Variants in WDR7 observed in about 807,000 individuals in gnomAD.
WDR7 encodes the protein WD repeat domain 7, also known as WD repeat-containing protein 7.
In WDR7, 46 loss-of-function variants were observed where a neutral mutation model predicts 169.4. That is an observed-to-expected ratio of 0.27 (90% CI 0.21 to 0.35). The LOEUF (loss-of-function observed/expected upper bound fraction) is 0.35, where lower values mean the gene tolerates loss of function less well. Ranked by LOEUF, WDR7 falls within the 10% of genes least tolerant of loss-of-function variation. The pLI is 1.00. For synonymous variants in WDR7, 612 were observed against 666.8 expected (o/e 0.92, Z 1.27); for missense variants, 1,534 against 1,859.3 (o/e 0.83, Z 3.22).
chr18:57,021,846 C>G (rs1417455618), intron 27 of WDR7, among the ~76,000 whole-genome samples: 1 of 152,100 alleles, frequency 6.6e-6, no homozygotes, highest in Non-Finnish European at 1.5e-5. Context: ...AAAGTTTAAA[C>G]AAGGCTTCAG....
At chr18:56,781,856 G>T (rs142953498) in intron 19 of WDR7, 200 bp downstream of exon 19, 2 of 470,408 alleles carry the variant, frequency 4.3e-6, no homozygotes, top group East Asian at 8.0e-5. Flanking sequence ...AAAGGCAAAG[G>T]CTGTCTATAT....
intron 1 of WDR7, among the ~76,000 whole-genome samples, chr18:56,660,350 C>T (rs1172917149): frequency 6.6e-6 from 1 of 152,010 alleles, no homozygotes; most frequent in Non-Finnish European, 1.5e-5. Context: ...ATCTGCAATC[C>T]AAAATGCTCC....
At position 56,759,031 on chromosome 18, in the gene WDR7, A is replaced by G. The variant is rs941713603; in HGVS notation, c.2848+78A>G. On this transcript the variant is annotated intron_variant, in intron 16 of 27. Coordinates refer to ENST00000254442, the MANE Select transcript of WDR7 (RefSeq NM_015285.3). ...GAGGAGGCATAGCTAATGTATAATC[A>G]TAATATTTGTTTGTCTTGGATTGTT... 1.8e-5 allele frequency: 21 copies of G among 1,184,014 alleles called. No individual in the cohort carries two copies. In the African/African-American group the frequency reaches 2.2e-4, roughly 12 times the overall value. The allele number at this position is 1,184,014 out of a possible 1,614,324, so 73.3% of individuals were successfully genotyped here.
chr18:56,997,474 C>T (rs2047914506), intron 26 of WDR7, among the ~76,000 whole-genome samples: 1 of 152,018 alleles, frequency 6.6e-6, no homozygotes, highest in Non-Finnish European at 1.5e-5. Context: ...TGGGTTGTTG[C>T]CTGACAAAGT....
At chr18:56,895,017 T>C (rs2046311326) in intron 21 of WDR7, among the ~76,000 whole-genome samples, 1 of 152,090 alleles carries the variant, frequency 6.6e-6, no homozygotes, top group African/African-American at 2.4e-5. Flanking sequence ...TAACTTTCAT[T>C]AGCATGATAC....
chr18:56,654,285 C>G (rs1477523784), intron 1 of WDR7, among the ~76,000 whole-genome samples: 1 of 152,116 alleles, frequency 6.6e-6, no homozygotes, highest in South Asian at 2.1e-4. Context: ...GCACGCGCCA[C>G]TACGCCCAGC....
chr18:56,775,743 A>G (rs983404554), intron 16 of WDR7, among the ~76,000 whole-genome samples: 1 of 152,128 alleles, frequency 6.6e-6, no homozygotes, highest in African/African-American at 2.4e-5. Flanking sequence ...CCTGATTGAC[A>G]TTATGATGCA....
intron 26 of WDR7, among the ~76,000 whole-genome samples, chr18:57,008,735 T>C (rs1260128584): frequency 6.6e-6 from 1 of 152,194 alleles, no homozygotes; most frequent in African/African-American, 2.4e-5. Flanking sequence ...TCAGCACATC[T>C]CTATTACGCT....
intron 20 of WDR7, among the ~76,000 whole-genome samples, chr18:56,864,296 T>A (rs374641803): frequency 6.6e-6 from 1 of 151,558 alleles, no homozygotes; most frequent in East Asian, 1.9e-4. Flanking sequence ...TCAAATATCA[T>A]CTGGTTAAAT....
intron 14 of WDR7, among the ~76,000 whole-genome samples, chr18:56,751,113 A>T (rs1001679750): frequency 6.6e-6 from 1 of 151,920 alleles, no homozygotes; most frequent in Non-Finnish European, 1.5e-5. Flanking sequence ...TTTTTGCTAC[A>T]ATGACACAAT....
rs182508072 is a variant in WDR7 at position 56,684,985 on chromosome 18, A to T, written c.521-971A>T. 3.3e-5 allele frequency among the ~76,000 whole-genome samples: 5 copies of T among 152,298 alleles called. No individual in the cohort carries two copies. In the East Asian group the frequency reaches 7.7e-4, roughly 23 times the overall value. ...AATCTTTTATTTAAAACAGATCTGT[A>T]TTTGTGACCAAGCGGTTTGCCTATT... On this transcript the variant is annotated intron_variant, in intron 5 of 27. Coordinates refer to ENST00000254442, the MANE Select transcript of WDR7 (RefSeq NM_015285.3).
At chr18:56,828,453 G>A (rs1319889729) in intron 20 of WDR7, among the ~76,000 whole-genome samples, 3 of 152,088 alleles carry the variant, frequency 2.0e-5, no homozygotes, top group East Asian at 1.9e-4. Flanking sequence ...CAAGCTTTCC[G>A]AATGTTCTGA....
intron 16 of WDR7, among the ~76,000 whole-genome samples, chr18:56,771,950 C>T (rs151264509): frequency 5.6e-4 from 84 of 149,948 alleles, no homozygotes; most frequent in Admixed American, 1.1e-3. Context: ...GTCCCAGCTA[C>T]TCAGGTTGCT....
At chr18:56,864,709 A>T (rs2045857018) in intron 20 of WDR7, among the ~76,000 whole-genome samples, 1 of 151,912 alleles carries the variant, frequency 6.6e-6, no homozygotes, top group Admixed American at 6.6e-5. Flanking sequence ...ATTATAGTAG[A>T]TATTCAGCAA....
intron 9 of WDR7, among the ~76,000 whole-genome samples, chr18:56,693,224 T>G (rs2025616329): frequency 6.6e-6 from 1 of 152,210 alleles, no homozygotes; most frequent in African/African-American, 2.4e-5. Flanking sequence ...AAAACTGAAG[T>G]CAAATTTAAT....
In WDR7 at chr18:56,768,061, C is replaced by T. The variant is rs185353134; in HGVS notation, c.2849-8721C>T. Among the ~76,000 whole-genome samples the T allele has an allele frequency of 8.9e-4, 135 of 152,266 alleles. 1 individual carries two copies. The highest frequency in any genetic ancestry group is 1.4e-3 in the Non-Finnish European group (93 of 68,012). On this transcript the variant is annotated intron_variant, in intron 16 of 27. Coordinates refer to ENST00000254442, the MANE Select transcript of WDR7 (RefSeq NM_015285.3). ...AATTACATTTTTCCTTCTCTGTAAT[C>T]ATAATAGATGGAAACATTCTCATAT...
At position 56,820,339 on chromosome 18, in the gene WDR7, C is replaced by CAAAAAAAAAAAAAAAAAAA. The variant is rs386387798; in HGVS notation, c.3304+4202_3304+4220dup. ...AAGGGTCAAGAGTCACTGACATTGT[C>CAAAAAAAAAAAAAAAAAAA]AAAAAAAAAAAAAAAAAAAAAAAAA... On this transcript the variant is annotated intron_variant, in intron 20 of 27. Transcript: ENST00000254442. 1.4e-4 allele frequency among the ~76,000 whole-genome samples: 6 copies of CAAAAAAAAAAAAAAAAAAA among 42,480 alleles called. 1 individual carries two copies. Among genetic ancestry groups the CAAAAAAAAAAAAAAAAAAA allele is most frequent in the African/African-American group, 3.7e-4 (3 of 8,006 alleles). The allele number at this position is 42,480 out of a possible 152,430, so 27.9% of individuals were successfully genotyped here.
At chr18:56,759,029 T>C (rs1437920671) in intron 16 of WDR7, 76 bp downstream of exon 16, 20 of 1,199,528 alleles carry the variant, frequency 1.7e-5, no homozygotes, top group Non-Finnish European at 1.9e-5. Flanking sequence ...TAATGTATAA[T>C]CATAATATTT....
In WDR7 at chr18:56,671,297, T is replaced by TG. The variant is rs1335074481; in HGVS notation, c.-19-1200_-19-1199insG. Among the ~76,000 whole-genome samples, 276 of 151,814 alleles carry TG rather than the reference T, an allele frequency of 1.8e-3. 3 individuals are homozygous for TG. Among genetic ancestry groups the TG allele is most frequent in the African/African-American group, 6.1e-3 (254 of 41,408 alleles). ...GTTTCACACTGAGCAAAGTGTTTTT[T>TG]TTTTTTTTTTTTGAGACAAAGTTTC... On this transcript the variant is annotated intron_variant, in intron 1 of 27. Transcript: ENST00000254442.
Sources: gnomAD v4.1 joint callset for allele counts (sites outside exome capture counted in the v4.1 genomes callset) on GRCh38, gnomAD v4.1.1 for gene constraint, MANE v1.5 for transcripts, NCBI Gene and HGNC (gene_info 2026-07-23, HGNC 2026-07-21) for gene names.